Variants in GAN observed in about 807,000 individuals in gnomAD.
GAN encodes the protein gigaxonin.
Under a neutral mutation model 71.3 loss-of-function variants are expected in GAN, and 48 were observed. That is an observed-to-expected ratio of 0.67 (90% CI 0.53 to 0.86). The LOEUF is 0.86. Among genes scored for constraint, GAN ranks in the 40% least tolerant of loss-of-function variants. GAN has a pLI of 0.00. For synonymous variants in GAN, 386 were observed against 276.8 expected (o/e 1.39, Z -3.92); for missense variants, 928 against 770.1 (o/e 1.21, Z -2.43).
In GAN at chr16:81,385,112, A is replaced by G. The variant is rs1433083080; in HGVS notation, c.*7516A>G. 1 of 153,264 alleles carries G rather than the reference A, an allele frequency of 6.5e-6. No individual in the cohort carries two copies. The highest frequency in any genetic ancestry group is 1.5e-5 in the Non-Finnish European group (1 of 68,190). The allele number at this position is 153,264 out of a possible 1,614,324, so 9.5% of individuals were successfully genotyped here. A position where few individuals can be genotyped will look rare whatever the true frequency, so the allele number is the denominator to read the frequency against. On this transcript the variant is annotated 3_prime_UTR_variant, in exon 11 of 11. Coordinates refer to ENST00000648994, the MANE Select transcript of GAN (RefSeq NM_022041.4). ...CAAGTTTAACTGTCGTTGTGTATTA[A>G]TAAGATTTAATTTTTATGCTTGTGC...
intron 1 of GAN, among the ~76,000 whole-genome samples, chr16:81,346,488 G>T (rs1405217037): frequency 6.6e-6 from 1 of 152,148 alleles, no homozygotes; most frequent in Non-Finnish European, 1.5e-5. Flanking sequence ...GATCAGTGGT[G>T]GCATTAGATT....
Position 81,358,024 on chromosome 16 carries a change from C to G in GAN, c.973+93C>G. On this transcript the variant is annotated intron_variant, in intron 5 of 10. Coordinates refer to ENST00000648994, the MANE Select transcript of GAN (RefSeq NM_022041.4). ...AATGACTCAGAGCCTTTTAAAGATA[C>G]AATTTTATTATCTCTACATGACATT... 3.7e-6 allele frequency: 4 copies of G among 1,076,644 alleles called. No individual in the cohort carries two copies. The East Asian group carries it at 7.4e-5, about 20-fold the overall frequency. The allele number at this position is 1,076,644 out of a possible 1,614,324, so 66.7% of individuals were successfully genotyped here.
At chr16:81,356,520 G>A (rs1910491170) in intron 3 of GAN, among the ~76,000 whole-genome samples, 1 of 152,150 alleles carries the variant, frequency 6.6e-6, no homozygotes, top group African/African-American at 2.4e-5. Context: ...CCTTTAAGGT[G>A]TAAAGGAAGC....
intron 1 of GAN, among the ~76,000 whole-genome samples, chr16:81,327,009 T>C (rs971267362): frequency 1.3e-5 from 2 of 152,230 alleles, no homozygotes; most frequent in Admixed American, 1.3e-4. Context: ...TGAATACGTT[T>C]GTGGGGTAGG....
rs74531936 is a variant in GAN at position 81,323,306 on chromosome 16, T to G, written c.167+8026T>G. Among the ~76,000 whole-genome samples, 1,488 of 152,310 alleles carry G rather than the reference T, an allele frequency of 9.8e-3. 25 individuals carry two copies. Among genetic ancestry groups the G allele is most frequent in the African/African-American group, 0.035 (1,439 of 41,560 alleles). ...TCAACTTTGTTCCCCGCCTAAAAAT[T>G]ACAATGCCTGCTGTTGGTAGGAAAG... On this transcript the variant is annotated intron_variant, in intron 1 of 10. Transcript: ENST00000648994.
chr16:81,352,262 C>G (rs1432946706), intron 2 of GAN, among the ~76,000 whole-genome samples: 3 of 152,180 alleles, frequency 2.0e-5, no homozygotes, highest in Non-Finnish European at 4.4e-5. Context: ...TCTCTCTTCC[C>G]TCTCCATGTC....
At chr16:81,315,853 C>G (rs949074768) in intron 1 of GAN, among the ~76,000 whole-genome samples, 1 of 152,260 alleles carries the variant, frequency 6.6e-6, no homozygotes, top group South Asian at 2.1e-4. Context: ...AAAACCCTCT[C>G]GATGTTCTCC....
chr16:81,337,337 C>G (rs1165704670), intron 1 of GAN, among the ~76,000 whole-genome samples: 1 of 152,220 alleles, frequency 6.6e-6, no homozygotes, highest in Non-Finnish European at 1.5e-5. Flanking sequence ...CAAATTTCTG[C>G]AAATCTCGAC....
chr16:81,336,237 C>A (rs1442150558), intron 1 of GAN, among the ~76,000 whole-genome samples: 1 of 152,212 alleles, frequency 6.6e-6, no homozygotes, highest in African/African-American at 2.4e-5. Flanking sequence ...CCTCTGAGAC[C>A]TCTGGTTGTG....
chr16:81,370,211 A>T (rs1161475894), intron 9 of GAN, among the ~76,000 whole-genome samples: 1 of 152,214 alleles, frequency 6.6e-6, no homozygotes, highest in South Asian at 2.1e-4. Flanking sequence ...TCCACAAAAC[A>T]TCTCACTGGT....
At chr16:81,347,190 C>T (rs1033357417) in intron 1 of GAN, among the ~76,000 whole-genome samples, 4 of 152,182 alleles carry the variant, frequency 2.6e-5, no homozygotes, top group Middle Eastern at 3.4e-3. Flanking sequence ...AAGCATCAGG[C>T]AAATAGATAC....
Position 81,382,831 on chromosome 16 carries a change from A to G in GAN, c.*5235A>G, listed in dbSNP as rs1257137029. The G allele has an allele frequency of 2.0e-5, 3 of 152,148 alleles. No homozygotes were observed. The highest frequency in any genetic ancestry group is 4.8e-5 in the African/African-American group (2 of 41,438). The allele number at this position is 152,148 out of a possible 1,614,324, so 9.4% of individuals were successfully genotyped here. On this transcript the variant is annotated 3_prime_UTR_variant, in exon 11 of 11. Transcript: ENST00000648994. ...TTTTGTGTTTTTCAGAAGGAACCCTATTATTATTTCCATTTTAAACATATT... is the reference window on the plus strand; with the variant it reads ...TTTTGTGTTTTTCAGAAGGAACCCTGTTATTATTTCCATTTTAAACATATT...
At chr16:81,367,745 C>A (rs912441534) in intron 9 of GAN, among the ~76,000 whole-genome samples, 2 of 152,172 alleles carry the variant, frequency 1.3e-5, no homozygotes, top group African/African-American at 4.8e-5. Context: ...GGTACTGTTA[C>A]TATTCCTATT....
intron 1 of GAN, among the ~76,000 whole-genome samples, chr16:81,346,185 T>A (rs2150680786): frequency 6.6e-6 from 1 of 152,270 alleles, no homozygotes; most frequent in East Asian, 1.9e-4. Flanking sequence ...AAATTTAATA[T>A]AAAGAATTAT....
chr16:81,325,794 A>G (rs896987989), intron 1 of GAN, among the ~76,000 whole-genome samples: 1 of 152,252 alleles, frequency 6.6e-6, no homozygotes, highest in Non-Finnish European at 1.5e-5. Context: ...GGGGAAGACA[A>G]CAGTCTGTCT....
chr16:81,377,491 C>T lies in GAN; in HGVS notation c.1689C>T (p.Ser563=), dbSNP rs375075356. Residue 563 remains serine, a synonymous_variant, in exon 11 of 11, where the codon TCC becomes TCT. Transcript: ENST00000648994. ...TWHHTKPLLP[S]DLRRTGCAAL... is the part of the protein sequence containing the mutation. The stretch of plus-strand genomic sequence containing the variant: ...ACCACACTAAACCACTCCTTCCATC[C>T]GACCTTCGCCGTACAGGATGTGCAG... The T allele has an allele frequency of 8.1e-6, 13 of 1,613,940 alleles. No homozygotes were observed. The highest frequency in any genetic ancestry group is 6.7e-5 in the East Asian group (3 of 44,898).
At chr16:81,336,525 A>G (rs768275170) in intron 1 of GAN, among the ~76,000 whole-genome samples, 1 of 152,068 alleles carries the variant, frequency 6.6e-6, no homozygotes, top group East Asian at 1.9e-4. Context: ...GTGCAGTGGC[A>G]TGAGCACAGC....
At position 81,377,573 on chromosome 16, in the gene GAN, C is replaced by A; in HGVS notation, c.1771C>A (p.Arg591Ser). 1 of 1,614,128 alleles carries A rather than the reference C, an allele frequency of 6.2e-7. No individual in the cohort carries two copies. Among genetic ancestry groups the A allele is most frequent in the Non-Finnish European group, 8.5e-7 (1 of 1,179,980 alleles). Residue 591 changes from arginine (R) to serine (S), a missense_variant, in exon 11 of 11, where the codon CGT (arginine) becomes AGT (serine). Coordinates refer to ENST00000648994, the MANE Select transcript of GAN (RefSeq NM_022041.4). ...FRLQLQQGLF[R>S]IRVHSP Reference sequence around the variant, plus strand: ...CCTGCAGCTTCAGCAAGGCTTATTCCGTATTCGTGTTCATTCCCCTTGAGG... The same window carrying A: ...CCTGCAGCTTCAGCAAGGCTTATTCAGTATTCGTGTTCATTCCCCTTGAGG...
chr16:81,337,113 G>T (rs1909789909), intron 1 of GAN, among the ~76,000 whole-genome samples: 1 of 152,016 alleles, frequency 6.6e-6, no homozygotes, highest in Non-Finnish European at 1.5e-5. Flanking sequence ...GTGCTTTCAG[G>T]AGCTCCTGAA....
Sources: allele counts gnomAD v4.1 joint callset (sites outside exome capture counted in the v4.1 genomes callset), GRCh38; gene constraint gnomAD v4.1.1; transcripts MANE v1.5; gene names NCBI Gene and HGNC (gene_info 2026-07-23, HGNC 2026-07-21).